LRRC37A2: variants seen among roughly 807,000 people sequenced by gnomAD.
The protein encoded by LRRC37A2 is leucine-rich repeat-containing protein 37A2.
In LRRC37A2, 9 loss-of-function variants were observed where a neutral mutation model predicts 68.8. The observed-to-expected ratio is 0.13, with a 90% CI of 0.08 to 0.23. The LOEUF is 0.23. Among genes scored for constraint, LRRC37A2 ranks in the 10% least tolerant of loss-of-function variants. The pLI, the probability that LRRC37A2 is intolerant of heterozygous loss-of-function variation, is 1.00. For synonymous variants in LRRC37A2, 63 were observed against 367.6 expected (o/e 0.17, Z 9.48); for missense variants, 168 against 950.4 (o/e 0.18, Z 10.82).
At chr17:47,037,958 G>A in the LRRC37A2 span, among the ~76,000 whole-genome samples, 3 of 151,880 alleles carry the variant, frequency 2.0e-5, no homozygotes, top group Admixed American at 6.6e-5. Context: ...AATCCTTTAT[G>A]TCTCTAAGAA....
the LRRC37A2 span, among the ~76,000 whole-genome samples, chr17:47,026,666 A>G: frequency 6.6e-6 from 1 of 152,248 alleles, no homozygotes; most frequent in Non-Finnish European, 1.5e-5. Context: ...AAACTCCATC[A>G]CTGTATAACT....
the LRRC37A2 span, among the ~76,000 whole-genome samples, chr17:46,836,157 G>A: frequency 1.4e-5 from 2 of 142,686 alleles, no homozygotes; most frequent in Admixed American, 1.4e-4. Context: ...TGGTGGCGGG[G>A]CAATTAATAA....
At chr17:46,984,804 G>T in the LRRC37A2 span, among the ~76,000 whole-genome samples, 33 of 152,200 alleles carry the variant, frequency 2.2e-4, no homozygotes, top group African/African-American at 7.2e-4. Context: ...TTCTTTGTAT[G>T]AGCCATTTTA....
At chr17:46,797,144 A>AT in the LRRC37A2 span, among the ~76,000 whole-genome samples, 35 of 152,326 alleles carry the variant, frequency 2.3e-4, no homozygotes, top group Admixed American at 1.2e-3. Flanking sequence ...AATGAGAACA[A>AT]TAAACACCAA....
chr17:46,533,594 C>G lies in LRRC37A2; in HGVS notation c.2907-6582C>G, dbSNP rs2054073101. Among the ~76,000 whole-genome samples the G allele has an allele frequency of 2.6e-5, 3 of 115,662 alleles. No homozygotes were observed. The South Asian group carries it at 8.1e-4, about 31-fold the overall frequency. 75.9% of individuals were successfully genotyped at this position (115,662 alleles called of 152,430 possible). On this transcript the variant is annotated intron_variant, in intron 6 of 14. Transcript: ENST00000576629. ...TTTACTCGCCGCAACCTCTGCCTCCCAGGTTCAAGCGATTCTAGTGCCTCA... is the reference window on the plus strand; with the variant it reads ...TTTACTCGCCGCAACCTCTGCCTCCGAGGTTCAAGCGATTCTAGTGCCTCA...
chr17:46,473,962 C>T, the LRRC37A2 span, among the ~76,000 whole-genome samples: 134 of 107,432 alleles, frequency 1.2e-3, 40 homozygotes, highest in Non-Finnish European at 2.3e-3. Context: ...CATATTTAAT[C>T]CTCAGTCTCA....
chr17:46,848,661 A>G, the LRRC37A2 span, among the ~76,000 whole-genome samples: 4 of 152,378 alleles, frequency 2.6e-5, no homozygotes, highest in South Asian at 8.3e-4. Context: ...AAGGATGTAT[A>G]ATGCAAAGGT....
At chr17:46,785,627 G>C in the LRRC37A2 span, among the ~76,000 whole-genome samples, 1 of 152,230 alleles carries the variant, frequency 6.6e-6, no homozygotes, top group Non-Finnish European at 1.5e-5. Flanking sequence ...GGCCACGAGG[G>C]GCCTTCCGAG....
chr17:46,718,636 C>T, the LRRC37A2 span, among the ~76,000 whole-genome samples: 26 of 152,162 alleles, frequency 1.7e-4, no homozygotes, highest in East Asian at 1.2e-3. Context: ...ATAACATGAC[C>T]GAGAATTTGG....
the LRRC37A2 span, among the ~76,000 whole-genome samples, chr17:46,942,546 G>A: frequency 1.3e-5 from 2 of 152,200 alleles, no homozygotes; most frequent in African/African-American, 2.4e-5. Flanking sequence ...AGGTGTGCAG[G>A]GGACTGAGAT....
chr17:46,820,225 C>T, the LRRC37A2 span, among the ~76,000 whole-genome samples: 1 of 152,136 alleles, frequency 6.6e-6, no homozygotes, highest in Non-Finnish European at 1.5e-5. Flanking sequence ...ACAGGGAGCG[C>T]GGGGAAATGG....
the LRRC37A2 span, among the ~76,000 whole-genome samples, chr17:46,716,552 C>T: frequency 3.9e-5 from 6 of 152,178 alleles, no homozygotes; most frequent in South Asian, 2.1e-4. Context: ...CCACCGCGCC[C>T]GGCCTGCACC....
the LRRC37A2 span, among the ~76,000 whole-genome samples, chr17:46,673,910 G>GGT: frequency 0.02 from 140 of 6,988 alleles, 55 homozygotes; most frequent in African/African-American, 0.033. Context: ...ATTCCATGGG[G>GGT]GTGTGTGTGT....
chr17:46,749,736 T>C, the LRRC37A2 span: 644 of 1,589,536 alleles, frequency 4.1e-4, 7 homozygotes, highest in South Asian at 3.7e-3. Context: ...ATTAGTCTTA[T>C]TATGTACATT....
At chr17:46,877,720 A>T in the LRRC37A2 span, among the ~76,000 whole-genome samples, 3 of 152,136 alleles carry the variant, frequency 2.0e-5, no homozygotes, top group African/African-American at 4.8e-5. Flanking sequence ...TGACACCCCC[A>T]TACCAGCTGA....
chr17:46,492,196 C>T, the LRRC37A2 span, among the ~76,000 whole-genome samples: 2 of 151,558 alleles, frequency 1.3e-5, no homozygotes, highest in East Asian at 1.9e-4. Context: ...AACTCCTGAC[C>T]TCAGGTAATC....
chr17:46,878,847 G>C, the LRRC37A2 span, among the ~76,000 whole-genome samples: 6 of 152,228 alleles, frequency 3.9e-5, no homozygotes, highest in South Asian at 2.1e-4. Context: ...GCAGTGGCTG[G>C]CTGCTAACAT....
the LRRC37A2 span, among the ~76,000 whole-genome samples, chr17:46,792,341 T>C: frequency 1.3e-5 from 2 of 152,182 alleles, no homozygotes; most frequent in Non-Finnish European, 2.9e-5. Flanking sequence ...TTACCCATAA[T>C]GAATAAGATA....
At chr17:46,926,327 A>G in the LRRC37A2 span, among the ~76,000 whole-genome samples, 4 of 152,254 alleles carry the variant, frequency 2.6e-5, no homozygotes, top group East Asian at 1.9e-4. Flanking sequence ...TTTCATGTTC[A>G]TCATGGTCAG....
Sources: gnomAD v4.1 joint callset for allele counts (sites outside exome capture counted in the v4.1 genomes callset) on GRCh38, gnomAD v4.1.1 for gene constraint, MANE v1.5 for transcripts, NCBI Gene and HGNC (gene_info 2026-07-23, HGNC 2026-07-21) for gene names.